The following OVCH1 variants were observed in gnomAD, a reference collection of about 807,000 sequenced individuals.
OVCH1 encodes ovochymase-1.
OVCH1 carries 139 observed loss-of-function variants against 138.4 expected under a neutral mutation model. The observed-to-expected ratio is 1.00, with a 90% CI of 0.87 to 1.16. OVCH1 has a LOEUF of 1.16. Among genes scored for constraint, OVCH1 ranks in the 50% most tolerant of loss-of-function variants. The probability of loss-of-function intolerance (pLI) is 0.00; values close to 1 mark genes in which losing one functional copy is unlikely to be tolerated. For synonymous variants in OVCH1, 453 were observed against 467.8 expected (o/e 0.97, Z 0.41); for missense variants, 1,367 against 1,357.9 (o/e 1.01, Z -0.11).
chr12:29,488,620 CAAAAAAA>C (rs67595567), intron 6 of OVCH1, among the ~76,000 whole-genome samples: 9 of 61,752 alleles, frequency 1.5e-4, no homozygotes, highest in African/African-American at 2.0e-4. Context: ...GACTCCATCT[CAAAAAAA>C]AAAAAAAAAA....
At chr12:29,416,118 GAGAA>G (rs557309373) in intron 3 of OVCH1, among the ~76,000 whole-genome samples, 19 of 151,710 alleles carry the variant, frequency 1.3e-4, no homozygotes, top group African/African-American at 3.4e-4. Context: ...GAGAAAAAGA[GAGAA>G]AGGAACTTCA....
chr12:29,454,184 ATCT>A (rs1228034108), intron 21 of OVCH1, among the ~76,000 whole-genome samples: 3 of 152,076 alleles, frequency 2.0e-5, no homozygotes, highest in South Asian at 2.1e-4. Flanking sequence ...ACTAGATCTC[ATCT>A]TCTTTCTTCT....
intron 8 of OVCH1, among the ~76,000 whole-genome samples, chr12:29,479,579 C>A (rs1353456956): frequency 6.6e-6 from 1 of 152,108 alleles, no homozygotes; most frequent in East Asian, 1.9e-4. Flanking sequence ...GGCCATAAAT[C>A]CTAGCTTCTT....
intron 18 of OVCH1, 26 bp downstream of exon 18, chr12:29,464,481 T>C: frequency 1.9e-6 from 3 of 1,608,492 alleles, no homozygotes; most frequent in Non-Finnish European, 2.5e-6. Context: ...CTGGCATTAA[T>C]GTTTATGCAA....
At chr12:29,444,665 G>A (rs954025474) in intron 23 of OVCH1, among the ~76,000 whole-genome samples, 1 of 151,718 alleles carries the variant, frequency 6.6e-6, no homozygotes, top group Non-Finnish European at 1.5e-5. Flanking sequence ...GTATACACAG[G>A]TCTAGAATAA....
At chr12:29,421,081 T>A (rs1941097754) in intron 3 of OVCH1, among the ~76,000 whole-genome samples, 1 of 152,252 alleles carries the variant, frequency 6.6e-6, no homozygotes, top group African/African-American at 2.4e-5. Context: ...CACTGTTTTG[T>A]GGCCAGGGAG....
intron 26 of OVCH1, chr12:29,439,317 G>A (rs185470424): frequency 6.7e-7 from 1 of 1,493,402 alleles, no homozygotes; most frequent in African/African-American, 1.4e-5. Flanking sequence ...TCACCTCTTT[G>A]AGTTACTCAC....
At chr12:29,444,163 G>A (rs746078606) in exon 24 of OVCH1, 1 of 1,607,770 alleles carries the variant, frequency 6.2e-7, no homozygotes. Flanking sequence ...AGTTCTGTGA[G>A]AATTTCTTGG....
At chr12:29,463,627 T>A (rs1250824156) in intron 18 of OVCH1, among the ~76,000 whole-genome samples, 2 of 152,172 alleles carry the variant, frequency 1.3e-5, no homozygotes, top group Admixed American at 6.6e-5. Context: ...ATCCTCAATT[T>A]GATATTTATT....
chr12:29,467,381 C>T lies in OVCH1; in HGVS notation c.1857-2162G>A, dbSNP rs568722258. Among the ~76,000 whole-genome samples, 16 of 152,218 alleles carry T rather than the reference C, an allele frequency of 1.1e-4. 1 individual carries two copies. Among genetic ancestry groups the T allele is most frequent in the African/African-American group, 3.4e-4 (14 of 41,556 alleles). On this transcript the variant is annotated intron_variant, in intron 16 of 27. Transcript: ENST00000318184. The stretch of plus-strand genomic sequence containing the variant: ...TTTAATGGAGAACACTGCACAAACA[C>T]GACAAAGCCACATGCACTTTATGAT...
chr12:29,445,993 T>G lies in OVCH1; in HGVS notation c.2756-590A>C, dbSNP rs550717455. On this transcript the variant is annotated intron_variant, in intron 22 of 27. Coordinates refer to ENST00000318184, the Ensembl canonical transcript of OVCH1. ...TTTTAACATTTATTTAAATGTCACC[T>G]GCTCAGAGAGATACCTGCTGATTGT... Among the ~76,000 whole-genome samples, 4 of 152,278 alleles carry G rather than the reference T, an allele frequency of 2.6e-5. No homozygotes were observed. The South Asian group carries it at 8.3e-4, about 32-fold the overall frequency.
chr12:29,442,289 G>A (rs1941505819), intron 25 of OVCH1, among the ~76,000 whole-genome samples: 1 of 151,426 alleles, frequency 6.6e-6, no homozygotes, highest in Non-Finnish European at 1.5e-5. Context: ...ATATTATGCA[G>A]CCATAAAAAA....
intron 22 of OVCH1, among the ~76,000 whole-genome samples, chr12:29,445,844 A>G (rs1001462084): frequency 1.1e-4 from 17 of 152,144 alleles, no homozygotes; most frequent in Non-Finnish European, 2.5e-4. Context: ...TAAGTCAAAG[A>G]TAGAAGGGAA....
In OVCH1 at chr12:29,436,943, C is replaced by T. The variant is rs149977872; in HGVS notation, c.3264+2385G>A. Among the ~76,000 whole-genome samples the T allele has an allele frequency of 3.4e-3, 518 of 152,286 alleles. 3 individuals carry two copies. The highest frequency in any genetic ancestry group is 0.031 in the Middle Eastern group (9 of 294). Reference sequence around the variant, plus strand: ...CCAAGCGGGTTGCTGCTGCTGGCCCCGGTGGCCAGCTTTTATTCCCTTATC... The same window carrying T: ...CCAAGCGGGTTGCTGCTGCTGGCCCTGGTGGCCAGCTTTTATTCCCTTATC... On this transcript the variant is annotated intron_variant, in intron 26 of 27. Coordinates refer to ENST00000318184, the Ensembl canonical transcript of OVCH1.
In OVCH1 at chr12:29,491,112, C is replaced by T. The variant is rs777037741; in HGVS notation, c.535G>A (p.Gly179Ser). The T allele has an allele frequency of 2.5e-6, 4 of 1,613,534 alleles. No individual in the cohort carries two copies. The East Asian group carries it at 8.9e-5, about 36-fold the overall frequency. The change falls in exon 5 of 28, where the codon GGC (glycine) becomes AGC (serine). Residue 179 changes from glycine (G) to serine (S), a missense_variant. Coordinates refer to ENST00000318184, the Ensembl canonical transcript of OVCH1. ...TGTCTCTTACTTTTGGAAATCTTGC[C>T]CCATCCACTGGATAAGCAAAGAATT...
At chr12:29,427,521 G>A, downstream of OVCH1, 2 of 1,547,420 alleles carry the variant, frequency 1.3e-6, no homozygotes, top group African/African-American at 1.4e-5. Flanking sequence ...GAATGTGCTT[G>A]GTTAGAGGCC....
intron 16 of OVCH1, among the ~76,000 whole-genome samples, chr12:29,468,609 C>T (rs763440356): frequency 3.9e-5 from 6 of 152,100 alleles, no homozygotes; most frequent in East Asian, 1.9e-4. Flanking sequence ...ACAAATTAAT[C>T]GGCTACTCTT....
At chr12:29,483,585 C>T (rs972507864) in intron 8 of OVCH1, among the ~76,000 whole-genome samples, 7 of 152,046 alleles carry the variant, frequency 4.6e-5, no homozygotes, top group African/African-American at 1.5e-4. Context: ...AATTAAGTCC[C>T]GATCATCCTT....
At chr12:29,457,995 A>G (rs896132065) in intron 19 of OVCH1, among the ~76,000 whole-genome samples, 1 of 152,206 alleles carries the variant, frequency 6.6e-6, no homozygotes, top group Non-Finnish European at 1.5e-5. Flanking sequence ...CTCTAAGGCA[A>G]GATATGGTCA....
Sources: allele counts gnomAD v4.1 joint callset (sites outside exome capture counted in the v4.1 genomes callset), GRCh38; gene constraint gnomAD v4.1.1; transcripts MANE v1.5; gene names NCBI Gene and HGNC (gene_info 2026-07-23, HGNC 2026-07-21).